The following CACNA1A variants were observed in gnomAD, a reference collection of about 807,000 sequenced individuals.
The protein encoded by CACNA1A is voltage-dependent P/Q-type calcium channel subunit alpha-1A.
A neutral mutation model predicts 262.4 loss-of-function variants in CACNA1A; 57 were observed. The observed-to-expected ratio is 0.22, with a 90% CI of 0.18 to 0.27. The LOEUF (loss-of-function observed/expected upper bound fraction) is 0.27, where lower values mean the gene tolerates loss of function less well. Among genes scored for constraint, CACNA1A ranks in the 10% least tolerant of loss-of-function variants. The pLI is 1.00. For missense variants in CACNA1A, 2,526 were observed against 3,562.8 expected (o/e 0.71, Z 7.41); for synonymous variants, 1,431 against 1,419.3 (o/e 1.01, Z -0.18).
Position 13,298,616 on chromosome 19 carries a change from C to G in CACNA1A, c.3017G>C (p.Arg1006Pro), listed in dbSNP as rs1268938831. ...CTCGTACGTGGCTGGAGCGCCATGC[C>G]GGTGCCTTCTCCTGCGCTCGCCCCC... is the stretch of plus-strand genomic sequence containing the variant. The part of the protein sequence containing the change: ...PDGGERRRRH[R>P]HGAPATYEGD... Residue 1006 changes from arginine to proline, a missense_variant, in exon 19 of 47, where the codon CGG becomes CCG. Transcript: ENST00000360228. 2.6e-6 allele frequency: 4 copies of G among 1,535,528 alleles called. No homozygotes were observed. The Admixed American group carries it at 6.0e-5, about 23-fold the overall frequency.
At chr19:13,358,271 AAAG>A (rs2059041943) in intron 6 of CACNA1A, among the ~76,000 whole-genome samples, 1 of 152,138 alleles carries the variant, frequency 6.6e-6, no homozygotes, top group Non-Finnish European at 1.5e-5. Context: ...CAGCTGTGCA[AAAG>A]AATAAAGAAG....
At chr19:13,221,906 T>C (rs2055246353) in intron 38 of CACNA1A, among the ~76,000 whole-genome samples, 1 of 152,036 alleles carries the variant, frequency 6.6e-6, no homozygotes, top group Non-Finnish European at 1.5e-5. Context: ...CGGTATTTTT[T>C]ATTTTTATTT....
rs531848967 is a variant in CACNA1A, at chr19:13,477,438, T to C, written c.294-22226A>G. On this transcript the variant is annotated intron_variant, in intron 1 of 46. Transcript: ENST00000360228. ...GTCTTGAAGAGTGCCTTGGCCACCA[T>C]GTATACTCCTTCAGTGTTTGCTAAA... 2.6e-5 allele frequency among the ~76,000 whole-genome samples: 4 copies of C among 152,240 alleles called. No individual in the cohort carries two copies. The South Asian group carries it at 8.3e-4, about 32-fold the overall frequency.
At chr19:13,386,409 T>A (rs1004225382) in intron 3 of CACNA1A, among the ~76,000 whole-genome samples, 1 of 152,120 alleles carries the variant, frequency 6.6e-6, no homozygotes, top group Non-Finnish European at 1.5e-5. Context: ...AGTCACATGG[T>A]AAGAGACAGC....
At chr19:13,479,998 C>T (rs1979072753) in intron 1 of CACNA1A, among the ~76,000 whole-genome samples, 1 of 152,156 alleles carries the variant, frequency 6.6e-6, no homozygotes, top group Non-Finnish European at 1.5e-5. Context: ...GTAGAGTGGT[C>T]CCAAAGAGAC....
Position 13,209,335 on chromosome 19 carries a change from C to A in CACNA1A, c.6503G>T (p.Gly2168Val). Residue 2168 changes from glycine to valine, a missense_variant, in exon 45 of 47, where the codon GGC (glycine) becomes GTC (valine). Gly to Val is a moderately radical substitution (Grantham distance 109). Coordinates refer to ENST00000360228, the MANE Select transcript of CACNA1A (RefSeq NM_001127222.2). ...RSHRASERSL[G>V]RYTDVDTGLG... The stretch of plus-strand genomic sequence containing the variant: ...ACCTGTGTCCACATCGGTGTAGCGG[C>A]CCAGGGAGCGCTCAGAGGCGCGGTG... The A allele has an allele frequency of 7.2e-7, 1 of 1,394,028 alleles. No homozygotes were observed. The highest frequency in any genetic ancestry group is 1.7e-5 in the South Asian group (1 of 58,216). 86.4% of individuals were successfully genotyped at this position (1,394,028 alleles called of 1,614,324 possible). A position where few individuals can be genotyped will look rare whatever the true frequency, so the allele number is the denominator to read the frequency against.
chr19:13,493,438 C>A (rs547527193), intron 1 of CACNA1A, among the ~76,000 whole-genome samples: 1 of 152,248 alleles, frequency 6.6e-6, no homozygotes, highest in Non-Finnish European at 1.5e-5. Flanking sequence ...GCCCCCTCCC[C>A]CTACATTCGT....
intron 12 of CACNA1A, among the ~76,000 whole-genome samples, chr19:13,310,874 T>A (rs981053616): frequency 1.1e-4 from 17 of 151,720 alleles, no homozygotes; most frequent in African/African-American, 4.1e-4. Context: ...TACTGCAACC[T>A]CTGCCTCCCC....
At chr19:13,280,237 A>G (rs1385944156) in intron 22 of CACNA1A, among the ~76,000 whole-genome samples, 3 of 152,034 alleles carry the variant, frequency 2.0e-5, no homozygotes, top group Admixed American at 2.0e-4. Flanking sequence ...GTGCAGTGGT[A>G]TGAACATGGA....
intron 1 of CACNA1A, among the ~76,000 whole-genome samples, chr19:13,502,447 G>A (rs918442393): frequency 6.6e-6 from 1 of 152,198 alleles, no homozygotes; most frequent in Non-Finnish European, 1.5e-5. Flanking sequence ...CTTGGTAGAA[G>A]GAGTGAGTGG....
At chr19:13,391,092 G>C (rs1228885257) in intron 3 of CACNA1A, among the ~76,000 whole-genome samples, 1 of 152,054 alleles carries the variant, frequency 6.6e-6, no homozygotes, top group African/African-American at 2.4e-5. Flanking sequence ...TCACCATGTT[G>C]ACCAAGATGG....
chr19:13,488,239 C>A (rs2145113484), intron 1 of CACNA1A, among the ~76,000 whole-genome samples: 1 of 152,182 alleles, frequency 6.6e-6, no homozygotes, highest in Non-Finnish European at 1.5e-5. Context: ...ACCTGCTTAG[C>A]CACCTAATGG....
chr19:13,339,374 A>C (rs1276197533), intron 6 of CACNA1A, among the ~76,000 whole-genome samples: 1 of 151,928 alleles, frequency 6.6e-6, no homozygotes, highest in Non-Finnish European at 1.5e-5. Context: ...GGGCTGGGGG[A>C]GGGGGAACAG....
In CACNA1A at chr19:13,308,508, G is replaced by A. The variant is rs377320715; in HGVS notation, c.1689C>T (p.Phe563=). ...FDCGVIIGSI[F]EVIWAVIKPG... Reference sequence around the variant, plus strand: ...GTTTTATGACAGCCCAGATGACCTCGAAGATGCTCCCAATGATAACCTAGG... The same window carrying A: ...GTTTTATGACAGCCCAGATGACCTCAAAGATGCTCCCAATGATAACCTAGG... The change falls in exon 13 of 47, where the codon TTC becomes TTT. Residue 563 remains phenylalanine (F), a synonymous_variant. Coordinates refer to ENST00000360228, the MANE Select transcript of CACNA1A (RefSeq NM_001127222.2). This position sits in a 1 kb window ranked among gnomAD's most constrained non-coding sequence, Gnocchi z 4.2. The A allele has an allele frequency of 5.0e-6, 8 of 1,611,656 alleles. No homozygotes were observed. The highest frequency in any genetic ancestry group is 3.3e-5 in the Admixed American group (2 of 59,864).
intron 1 of CACNA1A, among the ~76,000 whole-genome samples, chr19:13,466,877 A>ATTATTTATTTAT (rs59575263): frequency 0.11 from 14,975 of 142,496 alleles, 1,509 homozygotes; most frequent in African/African-American, 0.25. Flanking sequence ...TTAAATTTCC[A>ATTATTTATTTAT]TTATTTATTT....
chr19:13,372,585 G>T (rs2059343440), intron 3 of CACNA1A, among the ~76,000 whole-genome samples: 1 of 152,166 alleles, frequency 6.6e-6, no homozygotes, highest in Non-Finnish European at 1.5e-5. Flanking sequence ...TTGGGCAAGG[G>T]ACATCCCTGC....
At chr19:13,230,027 C>T (rs201008383) in intron 36 of CACNA1A, 55 bp downstream of exon 36, 84 of 1,588,470 alleles carry the variant, frequency 5.3e-5, no homozygotes, top group Non-Finnish European at 6.9e-5. Flanking sequence ...AGCCCGTGTT[C>T]CAGTTCCAGG....
chr19:13,255,001 G>A (rs2056506386), intron 29 of CACNA1A, 94 bp downstream of exon 29: 1 of 1,329,814 alleles, frequency 7.5e-7, no homozygotes. Context: ...AGTGTGGTCT[G>A]TCTGGGAAAC....
intron 44 of CACNA1A, among the ~76,000 whole-genome samples, chr19:13,210,108 C>G (rs1029797318): frequency 1.3e-5 from 2 of 152,030 alleles, no homozygotes; most frequent in Non-Finnish European, 2.9e-5. Context: ...GCACTGGAGG[C>G]TCTGGGGGCC....
Sources: gnomAD v4.1 joint callset for allele counts (sites outside exome capture counted in the v4.1 genomes callset) on GRCh38, gnomAD v4.1.1 for gene constraint, Gnocchi (gnomAD v3.1) non-coding constraint, MANE v1.5 for transcripts, NCBI Gene and HGNC (gene_info 2026-07-23, HGNC 2026-07-21) for gene names.